NEGR1: variants seen among roughly 807,000 people sequenced by gnomAD.
NEGR1 encodes the protein IgLON family member 4.
In NEGR1, 10 loss-of-function variants were observed where a neutral mutation model predicts 40.9. The ratio of observed to expected loss-of-function variants is 0.24; its 90% CI spans 0.15 to 0.42. NEGR1 has a LOEUF of 0.42. Among genes scored for constraint, NEGR1 ranks in the 10% least tolerant of loss-of-function variants. The pLI, the probability that NEGR1 is intolerant of heterozygous loss-of-function variation, is 1.00. For missense variants in NEGR1, 352 were observed against 438.9 expected, an observed-to-expected ratio of 0.80 and a Z score of 1.77; for synonymous variants, 185 against 166.8, an observed-to-expected ratio of 1.11 and a Z score of -0.84.
intron 1 of NEGR1, among the ~76,000 whole-genome samples, chr1:72,036,625 C>T (rs1646905327): frequency 6.8e-6 from 1 of 146,714 alleles, no homozygotes; most frequent in African/African-American, 2.5e-5. Context: ...TATTGTACTC[C>T]AGCCTGGGAG....
Position 72,282,401 on chromosome 1 carries a change from G to A in NEGR1, c.94C>T (p.Leu32Phe). 6.2e-7 allele frequency: 1 copy of A among 1,613,924 alleles called. No homozygotes were observed. Among genetic ancestry groups the A allele is most frequent in the Non-Finnish European group, 8.5e-7 (1 of 1,179,986 alleles). The change falls in exon 1 of 7, where the codon CTC becomes TTC. Residue 32 changes from leucine (L) to phenylalanine (F), a missense_variant. By Grantham distance (22) the Leu-to-Phe change is conservative. Transcript: ENST00000357731. ...AAGTCCACACTCTGTCCAGCCGGGA[G>A]GCAGGAGGGTAGCAGGCAGCACAGG... ...LSLCCLLPSC[L>F]PAGQSVDFPW...
chr1:71,497,260 G>T (rs1158084234), intron 6 of NEGR1, among the ~76,000 whole-genome samples: 1 of 152,100 alleles, frequency 6.6e-6, no homozygotes, highest in Admixed American at 6.6e-5. Flanking sequence ...AAGAAATGCA[G>T]TCATTCAGTA....
chr1:71,586,646 A>C (rs1327541671), intron 6 of NEGR1, among the ~76,000 whole-genome samples: 4 of 152,142 alleles, frequency 2.6e-5, no homozygotes, highest in Non-Finnish European at 4.4e-5. Context: ...TGACTGCTTC[A>C]GCCTGCTGGT....
At chr1:71,876,501 G>A (rs1660434416) in intron 2 of NEGR1, among the ~76,000 whole-genome samples, 1 of 151,220 alleles carries the variant, frequency 6.6e-6, no homozygotes, top group Non-Finnish European at 1.5e-5. Flanking sequence ...GTGAGACCCT[G>A]TCTGAAAAAG....
intron 1 of NEGR1, among the ~76,000 whole-genome samples, chr1:72,044,084 T>C (rs1293316349): frequency 1.3e-5 from 2 of 151,864 alleles, no homozygotes; most frequent in Admixed American, 6.6e-5. Context: ...TGTATGCAGA[T>C]GCTGTTTCTA....
chr1:72,209,557 A>G (rs1175282169), intron 1 of NEGR1, among the ~76,000 whole-genome samples: 1 of 151,828 alleles, frequency 6.6e-6, no homozygotes, highest in East Asian at 1.9e-4. Flanking sequence ...GATTCCCTTG[A>G]CCACTTCAGC....
Position 71,398,735 on chromosome 1 carries a change from CA to C in NEGR1, c.*8710del, listed in dbSNP as rs1458141522. Reference sequence around the variant, plus strand: ...TGAGGACATGAGATTTGGGAGGGACCAGGGGTGGAATGATATGGTTTGGCTG... The same window carrying C: ...TGAGGACATGAGATTTGGGAGGGACCGGGGTGGAATGATATGGTTTGGCTG... On this transcript the variant is annotated 3_prime_UTR_variant, in exon 7 of 7. Transcript: ENST00000357731. 2 of 152,016 alleles carry C rather than the reference CA, an allele frequency of 1.3e-5. No homozygotes were observed. Among genetic ancestry groups the C allele is most frequent in the Non-Finnish European group, 2.9e-5 (2 of 68,010 alleles). 9.4% of individuals were successfully genotyped at this position (152,016 alleles called of 1,614,324 possible).
At chr1:71,506,158 C>A (rs995505877) in intron 6 of NEGR1, among the ~76,000 whole-genome samples, 1 of 152,140 alleles carries the variant, frequency 6.6e-6, no homozygotes, top group African/African-American at 2.4e-5. Flanking sequence ...GACAAAAAAT[C>A]TGTATCTCAA....
At chr1:72,187,341 T>A (rs1250205097) in intron 1 of NEGR1, among the ~76,000 whole-genome samples, 2 of 151,564 alleles carry the variant, frequency 1.3e-5, no homozygotes, top group South Asian at 2.1e-4. Context: ...AAAATATTTA[T>A]TGAAACAACA....
At chr1:72,150,026 A>G (rs1651063094) in intron 1 of NEGR1, among the ~76,000 whole-genome samples, 2 of 152,186 alleles carry the variant, frequency 1.3e-5, no homozygotes, top group East Asian at 1.9e-4. Context: ...CCTGTCACAC[A>G]TATCTTCATG....
intron 6 of NEGR1, among the ~76,000 whole-genome samples, chr1:71,417,872 G>T (rs753645706): frequency 6.6e-6 from 1 of 152,126 alleles, no homozygotes; most frequent in Non-Finnish European, 1.5e-5. Flanking sequence ...ATGTTCAGTT[G>T]TTGGCAGGAG....
At chr1:71,672,072 A>G (rs1216528929) in intron 4 of NEGR1, among the ~76,000 whole-genome samples, 1 of 151,742 alleles carries the variant, frequency 6.6e-6, no homozygotes, top group African/African-American at 2.4e-5. Context: ...TAAAAACTCT[A>G]CTATTGAAAG....
chr1:72,040,734 A>G (rs973382367), intron 1 of NEGR1, among the ~76,000 whole-genome samples: 5 of 151,928 alleles, frequency 3.3e-5, no homozygotes, highest in African/African-American at 1.2e-4. Context: ...GAAATGAAAT[A>G]TGTGACTAAG....
intron 1 of NEGR1, among the ~76,000 whole-genome samples, chr1:71,945,357 T>C (rs1189182453): frequency 6.6e-6 from 1 of 152,140 alleles, no homozygotes; most frequent in Non-Finnish European, 1.5e-5. Context: ...TACATCCCTG[T>C]GGTTAACTTT....
chr1:71,757,651 T>A (rs548519385), intron 3 of NEGR1, among the ~76,000 whole-genome samples: 58 of 152,218 alleles, frequency 3.8e-4, no homozygotes, highest in African/African-American at 1.3e-3. Context: ...ATTCCATTTC[T>A]TGTCCTCCCC....
chr1:71,605,772 T>G (rs1037219880), intron 5 of NEGR1, among the ~76,000 whole-genome samples: 3 of 152,194 alleles, frequency 2.0e-5, no homozygotes, highest in African/African-American at 7.2e-5. Context: ...ATAGTAAAAT[T>G]AAGCCCATTG....
intron 3 of NEGR1, among the ~76,000 whole-genome samples, chr1:71,741,862 G>A (rs974352412): frequency 3.9e-5 from 6 of 152,078 alleles, no homozygotes; most frequent in African/African-American, 1.4e-4. Flanking sequence ...AGAGAGCAAG[G>A]AGCCACACAC....
chr1:72,068,797 T>G (rs1647345004), intron 1 of NEGR1, among the ~76,000 whole-genome samples: 2 of 152,278 alleles, frequency 1.3e-5, no homozygotes, highest in South Asian at 4.1e-4. Flanking sequence ...TGTCTCTAAA[T>G]GCCAGTTTGG....
intron 5 of NEGR1, among the ~76,000 whole-genome samples, chr1:71,596,053 A>G (rs1225841088): frequency 6.6e-6 from 1 of 152,054 alleles, no homozygotes; most frequent in Middle Eastern, 3.4e-3. Flanking sequence ...ACAAAAAAAA[A>G]AAAAAAAAAA....
Sources: allele counts gnomAD v4.1 joint callset (sites outside exome capture counted in the v4.1 genomes callset), GRCh38; gene constraint gnomAD v4.1.1; transcripts MANE v1.5; gene names NCBI Gene and HGNC (gene_info 2026-07-23, HGNC 2026-07-21).